Variants in DOCK3 observed in about 807,000 individuals in gnomAD.
DOCK3 encodes dedicator of cytokinesis protein 3.
DOCK3 carries 60 observed loss-of-function variants against 265.6 expected under a neutral mutation model. That is an observed-to-expected ratio of 0.23 (90% CI 0.18 to 0.28). The LOEUF is 0.28. Among genes scored for constraint, DOCK3 ranks in the 10% least tolerant of loss-of-function variants. The probability of loss-of-function intolerance (pLI) is 1.00; values close to 1 mark genes in which losing one functional copy is unlikely to be tolerated. For synonymous variants in DOCK3, 881 were observed against 938.0 expected (o/e 0.94, Z 1.11); for missense variants, 1,981 against 2,594.3 (o/e 0.76, Z 5.14).
chr3:50,857,055 C>T (rs537727166), intron 3 of DOCK3, among the ~76,000 whole-genome samples: 6 of 152,178 alleles, frequency 3.9e-5, no homozygotes, highest in East Asian at 1.9e-4. Context: ...TCTTTTGATG[C>T]GCTGCTCGAT....
intron 21 of DOCK3, among the ~76,000 whole-genome samples, chr3:51,245,055 A>G (rs950895638): frequency 6.6e-6 from 1 of 152,206 alleles, no homozygotes; most frequent in Admixed American, 6.5e-5. Flanking sequence ...CAAGCCAGGC[A>G]TGGTGGCTCA....
Position 51,011,481 on chromosome 3 carries a change from G to A in DOCK3, c.316-52967G>A, listed in dbSNP as rs9825102. Among the ~76,000 whole-genome samples the A allele has an allele frequency of 5.0e-3, 760 of 152,212 alleles. 9 individuals are homozygous for A. The highest frequency in any genetic ancestry group is 0.012 in the African/African-American group (513 of 41,536). ...CCATGGTTTTCAGCTCCATCAGGTC[G>A]TTTAAGGATTTCTCTACACTGGTTA... On this transcript the variant is annotated intron_variant, in intron 5 of 52. Coordinates refer to ENST00000266037, the MANE Select transcript of DOCK3 (RefSeq NM_004947.5).
rs1244409646 is a variant in DOCK3, at chr3:51,067,604, T to G, written c.464+3008T>G. Among the ~76,000 whole-genome samples the G allele has an allele frequency of 3.3e-5, 5 of 151,998 alleles. No homozygotes were observed. In the East Asian group the frequency reaches 9.6e-4, roughly 29 times the overall value. Reference sequence around the variant, plus strand: ...CTTTCCGTCTTCTTTTCTTCTCCTTTCTTCCTCCCCTTGCACTTCTTTCCC... The same window carrying G: ...CTTTCCGTCTTCTTTTCTTCTCCTTGCTTCCTCCCCTTGCACTTCTTTCCC... On this transcript the variant is annotated intron_variant, in intron 6 of 52. Transcript: ENST00000266037.
chr3:51,009,689 A>C (rs1050708211), intron 5 of DOCK3, among the ~76,000 whole-genome samples: 6 of 151,932 alleles, frequency 3.9e-5, no homozygotes, highest in Admixed American at 2.0e-4. Context: ...TTTTTTCTCT[A>C]GTTCTTTTAA....
chr3:50,881,098 C>G (rs1034357646), intron 3 of DOCK3, among the ~76,000 whole-genome samples: 6 of 152,118 alleles, frequency 3.9e-5, no homozygotes, highest in African/African-American at 1.4e-4. Context: ...TAAAAACTCT[C>G]AATAAACTAG....
intron 5 of DOCK3, among the ~76,000 whole-genome samples, chr3:50,997,965 T>C (rs1389746696): frequency 6.6e-6 from 1 of 152,236 alleles, no homozygotes; most frequent in African/African-American, 2.4e-5. Context: ...TATTAGAGAA[T>C]ATAATGTATT....
chr3:50,785,855 A>G (rs1319137052), intron 2 of DOCK3, among the ~76,000 whole-genome samples: 2 of 151,866 alleles, frequency 1.3e-5, no homozygotes, highest in East Asian at 1.9e-4. Flanking sequence ...CTCTTTCTCT[A>G]TCTTTTGGAA....
At chr3:50,952,610 C>T (rs2076623411) in intron 5 of DOCK3, among the ~76,000 whole-genome samples, 1 of 152,160 alleles carries the variant, frequency 6.6e-6, no homozygotes. Flanking sequence ...CTTCTTCATC[C>T]TCCCTTGTCA....
At chr3:50,821,140 C>CTTTTTTTTTTTTTTT (rs771111717) in intron 2 of DOCK3, among the ~76,000 whole-genome samples, 129 of 119,350 alleles carry the variant, frequency 1.1e-3, no homozygotes, top group Middle Eastern at 5.1e-3. Context: ...TTTCTTTTTT[C>CTTTTTTTTTTTTTTT]TTTTTTTTTT....
At chr3:50,950,057 A>C (rs1257933110) in intron 5 of DOCK3, among the ~76,000 whole-genome samples, 1 of 151,526 alleles carries the variant, frequency 6.6e-6, no homozygotes, top group Non-Finnish European at 1.5e-5. Flanking sequence ...AAATAGCAAC[A>C]AGTTCATATT....
At chr3:50,760,686 T>C (rs1324048314) in intron 1 of DOCK3, among the ~76,000 whole-genome samples, 1 of 152,244 alleles carries the variant, frequency 6.6e-6, no homozygotes, top group Admixed American at 6.5e-5. Context: ...TTTATCAGAA[T>C]GTAACCACGT....
rs774321120 is a variant in DOCK3, at chr3:51,227,289, A to G, written c.1384A>G (p.Ile462Val). Residue 462 changes from isoleucine (I) to valine (V), a missense_variant, in exon 16 of 53, where the codon ATC becomes GTC. Around this residue, in one of 4 missense-constraint regions of DOCK3, gnomAD observed 19 missense variants for 43.8 expected, o/e 0.43. Coordinates refer to ENST00000266037, the MANE Select transcript of DOCK3 (RefSeq NM_004947.5). ...YADGEILKDC[I>V]SLGSGEPNRS... ...TTTTGTTTCTTTCTTCCAGGATTGCATCAGCTTGGGTTCAGGAGAGCCAAA... is the reference window on the plus strand; with the variant it reads ...TTTTGTTTCTTTCTTCCAGGATTGCGTCAGCTTGGGTTCAGGAGAGCCAAA... The G allele has an allele frequency of 6.2e-7, 1 of 1,613,326 alleles. No homozygotes were observed. The highest frequency in any genetic ancestry group is 8.5e-7 in the Non-Finnish European group (1 of 1,179,590).
intron 1 of DOCK3, among the ~76,000 whole-genome samples, chr3:50,711,427 A>G (rs993416055): frequency 6.6e-6 from 1 of 151,682 alleles, no homozygotes; most frequent in African/African-American, 2.4e-5. Flanking sequence ...ACGCCTGGCT[A>G]ATTTTTTGTA....
chr3:50,776,341 T>C (rs192281334), intron 1 of DOCK3, among the ~76,000 whole-genome samples: 8 of 152,210 alleles, frequency 5.3e-5, no homozygotes, highest in East Asian at 3.9e-4. Context: ...ATTAATGATA[T>C]TGAGCATTTT....
At chr3:51,240,618 G>C (rs142831871) in intron 21 of DOCK3, among the ~76,000 whole-genome samples, 1 of 152,308 alleles carries the variant, frequency 6.6e-6, no homozygotes, top group Non-Finnish European at 1.5e-5. Flanking sequence ...AGGTGCTCCT[G>C]TGTTGGGTGC....
At chr3:50,806,697 C>T (rs1158277834) in intron 2 of DOCK3, among the ~76,000 whole-genome samples, 3 of 151,966 alleles carry the variant, frequency 2.0e-5, no homozygotes, top group Non-Finnish European at 1.5e-5. Flanking sequence ...GGCATTTAGC[C>T]ATCTGTGGGT....
At chr3:51,049,979 A>C (rs2080932345) in intron 5 of DOCK3, among the ~76,000 whole-genome samples, 4 of 152,202 alleles carry the variant, frequency 2.6e-5, no homozygotes, top group Admixed American at 6.5e-5. Flanking sequence ...AAAAAGAATA[A>C]AATATTTAGG....
At position 51,381,005 on chromosome 3, in the gene DOCK3, T is replaced by A; in HGVS notation, c.5584-45T>A. 1.3e-6 allele frequency: 2 copies of A among 1,540,540 alleles called. No homozygotes were observed. The highest frequency in any genetic ancestry group is 2.3e-5 in the East Asian group (1 of 44,194). On this transcript the variant is annotated intron_variant, in intron 52 of 52. Transcript: ENST00000266037. The surrounding 1 kb of genome is among the most constrained non-coding windows in gnomAD (Gnocchi z 5.6). Reference sequence around the variant, plus strand: ...TCTTCCTATGGCGGGCAAGTCAGCCTGTCTGGAGAGAGGGATTCTAACATG... The same window carrying A: ...TCTTCCTATGGCGGGCAAGTCAGCCAGTCTGGAGAGAGGGATTCTAACATG...
intron 26 of DOCK3, among the ~76,000 whole-genome samples, 179 bp from the exon 27 acceptor site, chr3:51,279,927 T>A (rs966287045): frequency 2.0e-5 from 3 of 152,192 alleles, no homozygotes; most frequent in Admixed American, 6.5e-5. Context: ...TATTTCCCCC[T>A]AATCCCTCCA....
Sources: gnomAD v4.1 joint callset for allele counts (sites outside exome capture counted in the v4.1 genomes callset) on GRCh38, gnomAD v4.1.1 for gene constraint, gnomAD v4.1.1 regional missense constraint, Gnocchi (gnomAD v3.1) non-coding constraint, MANE v1.5 for transcripts, NCBI Gene and HGNC (gene_info 2026-07-23, HGNC 2026-07-21) for gene names.